Variants in ELMO1 observed in about 807,000 individuals in gnomAD.
ELMO1 encodes engulfment and cell motility protein 1.
ELMO1 carries 26 observed loss-of-function variants against 98.9 expected under a neutral mutation model. The observed-to-expected ratio is 0.26, with a 90% CI of 0.19 to 0.36. ELMO1 has a LOEUF of 0.36. ELMO1 is among the 10% of genes least tolerant of loss of function. The pLI, the probability that ELMO1 is intolerant of heterozygous loss-of-function variation, is 1.00. For synonymous variants in ELMO1, 346 were observed against 346.0 expected (o/e 1.00, Z 0.00); for missense variants, 627 against 935.2 (o/e 0.67, Z 4.30).
intron 16 of ELMO1, among the ~76,000 whole-genome samples, chr7:37,004,230 T>C (rs528795705): frequency 6.6e-6 from 1 of 152,328 alleles, no homozygotes; most frequent in East Asian, 1.9e-4. Context: ...ATGGGACATA[T>C]ACTAATAAAA....
At chr7:36,902,469 T>A (rs1444550328) in intron 16 of ELMO1, among the ~76,000 whole-genome samples, 2 of 152,290 alleles carry the variant, frequency 1.3e-5, no homozygotes, top group East Asian at 3.9e-4. Context: ...TTGTAAGTCC[T>A]CCTCTGTAGG....
chr7:37,018,366 T>A (rs1273376284), intron 15 of ELMO1, among the ~76,000 whole-genome samples: 1 of 152,166 alleles, frequency 6.6e-6, no homozygotes. Flanking sequence ...CCTCAGGTGA[T>A]CTGCCCGCCT....
At chr7:36,934,868 C>T (rs933711517) in intron 16 of ELMO1, among the ~76,000 whole-genome samples, 3 of 152,168 alleles carry the variant, frequency 2.0e-5, no homozygotes, top group Non-Finnish European at 4.4e-5. Context: ...AGGTCTAAGC[C>T]GAGGAAGCTT....
At position 37,365,858 on chromosome 7, in the gene ELMO1, G is replaced by A. The variant is rs532776101; in HGVS notation, c.-73-23095C>T. Among the ~76,000 whole-genome samples, 8 of 152,338 alleles carry A rather than the reference G, an allele frequency of 5.3e-5. No individual in the cohort carries two copies. In the South Asian group the frequency reaches 6.2e-4, roughly 12 times the overall value. ...CTTGTACTGTCGTAGTATCAAATGT[G>A]TGCAGTGTTTTTAAGTTTCACAAGT... On this transcript the variant is annotated intron_variant, in intron 1 of 21. Coordinates refer to ENST00000310758, the MANE Select transcript of ELMO1 (RefSeq NM_014800.11).
At chr7:37,273,045 C>T (rs1294869620) in intron 4 of ELMO1, among the ~76,000 whole-genome samples, 2 of 152,202 alleles carry the variant, frequency 1.3e-5, no homozygotes, top group African/African-American at 4.8e-5. Context: ...AAAGCTGTTT[C>T]TTTAAAAGGG....
chr7:37,175,779 G>A (rs1190279078), intron 13 of ELMO1, among the ~76,000 whole-genome samples: 4 of 152,118 alleles, frequency 2.6e-5, no homozygotes, highest in East Asian at 1.9e-4. Flanking sequence ...CCCAGGAGGC[G>A]GAGGTTGCAG....
intron 16 of ELMO1, among the ~76,000 whole-genome samples, chr7:36,912,041 A>G (rs17170780): frequency 0.023 from 3,441 of 152,280 alleles, 99 homozygotes; most frequent in East Asian, 0.078. Flanking sequence ...CTAAATGAGT[A>G]TTGCTTTAGA....
At chr7:37,137,542 A>ATT (rs199815409) in intron 13 of ELMO1, among the ~76,000 whole-genome samples, 15 of 147,492 alleles carry the variant, frequency 1.0e-4, no homozygotes, top group African/African-American at 1.7e-4. Context: ...AGTCTCAGTA[A>ATT]TTTTTTTTTT....
intron 20 of ELMO1, among the ~76,000 whole-genome samples, chr7:36,864,953 G>T (rs544840893): frequency 9.2e-5 from 14 of 152,118 alleles, no homozygotes; most frequent in Admixed American, 2.0e-4. Flanking sequence ...ATCCTTCCAT[G>T]CCCTGAGGCC....
intron 15 of ELMO1, among the ~76,000 whole-genome samples, chr7:37,057,843 CCAGAA>C (rs753667140): frequency 4.8e-4 from 73 of 152,206 alleles, no homozygotes; most frequent in Admixed American, 7.9e-4. Flanking sequence ...TATTTTCAGA[CCAGAA>C]AACATTTTCT....
At chr7:37,253,902 G>C (rs1317793867) in intron 6 of ELMO1, among the ~76,000 whole-genome samples, 1 of 152,036 alleles carries the variant, frequency 6.6e-6, no homozygotes, top group African/African-American at 2.4e-5. Flanking sequence ...ACATTGCCCA[G>C]GAGTCATGAC....
At chr7:37,049,498 C>T (rs67053492) in intron 15 of ELMO1, among the ~76,000 whole-genome samples, 18,968 of 152,144 alleles carry the variant, frequency 0.12, 1,334 homozygotes, top group Middle Eastern at 0.21. Context: ...TGCAGAGCTG[C>T]TCTGCCCCAA....
In ELMO1 at chr7:36,882,719, T is replaced by G. The variant is rs73689670; in HGVS notation, c.1715-4602A>C. On this transcript the variant is annotated intron_variant, in intron 18 of 21. Coordinates refer to ENST00000310758, the MANE Select transcript of ELMO1 (RefSeq NM_014800.11). The stretch of plus-strand genomic sequence containing the variant: ...AAATCCCTGTTCTTCATATGTACAA[T>G]GGTCATAATTATATGAGTAAAACAC... 2.9e-3 allele frequency among the ~76,000 whole-genome samples: 439 copies of G among 152,352 alleles called. 2 individuals are homozygous for G. Among genetic ancestry groups the G allele is most frequent in the African/African-American group, 9.8e-3 (408 of 41,584 alleles).
chr7:37,232,796 T>G (rs750512230), intron 8 of ELMO1, among the ~76,000 whole-genome samples: 10 of 152,182 alleles, frequency 6.6e-5, no homozygotes, highest in Non-Finnish European at 1.5e-4. Flanking sequence ...GTTTAGGTCT[T>G]GAAACCAACA....
At chr7:37,405,835 G>A (rs1361299554) in intron 1 of ELMO1, among the ~76,000 whole-genome samples, 1 of 152,200 alleles carries the variant, frequency 6.6e-6, no homozygotes, top group African/African-American at 2.4e-5. Flanking sequence ...TCCCGCCCCA[G>A]AGGTCAACTC....
chr7:36,855,136 T>C lies in ELMO1; in HGVS notation c.*415A>G. On this transcript the variant is annotated 3_prime_UTR_variant, in exon 22 of 22. Transcript: ENST00000310758. The surrounding 1 kb of genome is among the most constrained non-coding windows in gnomAD (Gnocchi z 4.2). The stretch of plus-strand genomic sequence containing the variant: ...TCTTCTCATCAAATAGCTAGGCCAT[T>C]TCCTCCAGACAGGGGCCTTGGGGCA... 4.6e-6 allele frequency: 1 copy of C among 219,164 alleles called. No individual in the cohort carries two copies. The highest frequency in any genetic ancestry group is 7.3e-5 in the South Asian group (1 of 13,636). 13.6% of individuals were successfully genotyped at this position (219,164 alleles called of 1,614,324 possible).
At chr7:37,402,318 T>C (rs75061669) in intron 1 of ELMO1, among the ~76,000 whole-genome samples, 74 of 152,328 alleles carry the variant, frequency 4.9e-4, no homozygotes, top group African/African-American at 1.7e-3. Flanking sequence ...TCTAAATTAC[T>C]GTTTCCTGGC....
intron 16 of ELMO1, among the ~76,000 whole-genome samples, chr7:36,980,597 A>AAT (rs1790965335): frequency 6.6e-6 from 1 of 152,238 alleles, no homozygotes; most frequent in Non-Finnish European, 1.5e-5. Flanking sequence ...TCATATGAAT[A>AAT]ATTTTCTAGT....
chr7:37,314,679 T>C (rs555521232), intron 4 of ELMO1, among the ~76,000 whole-genome samples, 171 bp downstream of exon 4: 5 of 152,308 alleles, frequency 3.3e-5, no homozygotes, highest in Non-Finnish European at 5.9e-5. Context: ...AGCTGGCAAA[T>C]ATCATCTTGT....
Sources: gnomAD v4.1 joint callset for allele counts (sites outside exome capture counted in the v4.1 genomes callset) on GRCh38, gnomAD v4.1.1 for gene constraint, Gnocchi (gnomAD v3.1) non-coding constraint, MANE v1.5 for transcripts, NCBI Gene and HGNC (gene_info 2026-07-23, HGNC 2026-07-21) for gene names.